Variants in PTPRD observed in about 807,000 individuals in gnomAD.
The protein encoded by PTPRD is protein tyrosine phosphatase receptor type D, also known as receptor-type tyrosine-protein phosphatase delta.
In PTPRD, 34 loss-of-function variants were observed where a neutral mutation model predicts 214.5. The ratio of observed to expected loss-of-function variants is 0.16; its 90% CI spans 0.12 to 0.21. The LOEUF is 0.21. Among genes scored for constraint, PTPRD ranks in the 10% least tolerant of loss-of-function variants. The pLI is 1.00. For synonymous variants in PTPRD, 1,128 were observed against 845.7 expected, an observed-to-expected ratio of 1.33 and a Z score of -5.79; for missense variants, 2,545 against 2,398.7, an observed-to-expected ratio of 1.06 and a Z score of -1.27.
chr9:8,723,293 A>C (rs1289217188), intron 12 of PTPRD, among the ~76,000 whole-genome samples: 3 of 152,126 alleles, frequency 2.0e-5, no homozygotes, highest in African/African-American at 7.2e-5. Flanking sequence ...CAAGTGTTGT[A>C]TCTCACTCAG....
At chr9:10,130,849 T>C (rs2098865732) in intron 3 of PTPRD, among the ~76,000 whole-genome samples, 1 of 152,076 alleles carries the variant, frequency 6.6e-6, no homozygotes, top group South Asian at 2.1e-4. Context: ...GAAATGGAAA[T>C]TGAAGTGACC....
intron 9 of PTPRD, among the ~76,000 whole-genome samples, chr9:9,237,312 C>A (rs1261370163): frequency 6.6e-6 from 1 of 152,056 alleles, no homozygotes; most frequent in East Asian, 1.9e-4. Flanking sequence ...CACTTGTAAT[C>A]CCAGTACTTT....
intron 3 of PTPRD, among the ~76,000 whole-genome samples, chr9:10,137,563 A>G (rs868252135): frequency 3.7e-5 from 3 of 81,144 alleles, no homozygotes; most frequent in Non-Finnish European, 6.8e-5. Flanking sequence ...GCGTCGGGGG[A>G]GGGGGGAGGG....
chr9:10,089,811 C>G (rs925830800), intron 3 of PTPRD, among the ~76,000 whole-genome samples: 3 of 151,592 alleles, frequency 2.0e-5, no homozygotes, highest in African/African-American at 7.3e-5. Context: ...GGCATCGGGG[C>G]AACCAGAAAA....
At chr9:9,112,113 T>A (rs552119490) in intron 10 of PTPRD, among the ~76,000 whole-genome samples, 1 of 152,264 alleles carries the variant, frequency 6.6e-6, no homozygotes, top group South Asian at 2.1e-4. Context: ...CTTTCCTGTC[T>A]ACAAAGCCAT....
At chr9:10,040,773 T>G (rs1184549657) in intron 3 of PTPRD, among the ~76,000 whole-genome samples, 1 of 152,086 alleles carries the variant, frequency 6.6e-6, no homozygotes, top group African/African-American at 2.4e-5. Flanking sequence ...AAAATTAAAT[T>G]GAGCACTGAT....
At chr9:9,002,832 C>T (rs2099429290) in intron 11 of PTPRD, among the ~76,000 whole-genome samples, 1 of 152,072 alleles carries the variant, frequency 6.6e-6, no homozygotes, top group Non-Finnish European at 1.5e-5. Flanking sequence ...TTGCACCCAT[C>T]AAGTAAGGGT....
chr9:8,537,217 C>T (rs1416061734), intron 14 of PTPRD, among the ~76,000 whole-genome samples: 1 of 151,892 alleles, frequency 6.6e-6, no homozygotes, highest in Non-Finnish European at 1.5e-5. Flanking sequence ...TCACCGTTTT[C>T]TAGCAAAGTT....
At chr9:10,190,615 G>C (rs1304609804) in intron 3 of PTPRD, among the ~76,000 whole-genome samples, 1 of 149,938 alleles carries the variant, frequency 6.7e-6, no homozygotes, top group Non-Finnish European at 1.5e-5. Flanking sequence ...CTGCTCGGGA[G>C]GCTGAGGCAG....
chr9:9,539,073 T>C (rs2077064704), intron 8 of PTPRD, among the ~76,000 whole-genome samples: 1 of 151,870 alleles, frequency 6.6e-6, no homozygotes, highest in Non-Finnish European at 1.5e-5. Flanking sequence ...CAAGATAATT[T>C]CACATAAGTA....
intron 9 of PTPRD, among the ~76,000 whole-genome samples, chr9:9,352,148 A>AT (rs2051466196): frequency 6.6e-6 from 1 of 151,630 alleles, no homozygotes; most frequent in African/African-American, 2.4e-5. Flanking sequence ...TCCCCCACAT[A>AT]TCTTTGGAAC....
intron 10 of PTPRD, among the ~76,000 whole-genome samples, chr9:9,167,686 C>G (rs188254685): frequency 1.3e-5 from 2 of 152,020 alleles, no homozygotes; most frequent in East Asian, 3.9e-4. Flanking sequence ...TCCAAGGAGG[C>G]AGAGGTTGTG....
intron 11 of PTPRD, among the ~76,000 whole-genome samples, chr9:8,997,955 C>A (rs1170441531): frequency 6.6e-6 from 1 of 152,032 alleles, no homozygotes; most frequent in Non-Finnish European, 1.5e-5. Context: ...CAGACCACAG[C>A]CCTAACTCTC....
At chr9:9,314,006 G>T (rs1359423915) in intron 9 of PTPRD, among the ~76,000 whole-genome samples, 1 of 152,034 alleles carries the variant, frequency 6.6e-6, no homozygotes, top group Non-Finnish European at 1.5e-5. Context: ...CTAGTTAAAT[G>T]AGCAAAGAAG....
At chr9:10,107,761 G>A (rs2098649076) in intron 3 of PTPRD, among the ~76,000 whole-genome samples, 1 of 151,978 alleles carries the variant, frequency 6.6e-6, no homozygotes, top group Non-Finnish European at 1.5e-5. Context: ...TTAGGGACTG[G>A]GAAAAGATAG....
chr9:9,339,715 T>C (rs61623919), intron 9 of PTPRD, among the ~76,000 whole-genome samples: 1,647 of 152,290 alleles, frequency 0.011, 24 homozygotes, highest in African/African-American at 0.037. Flanking sequence ...ACGTAAGTAA[T>C]TGTACAGTTG....
chr9:10,333,400 C>G (rs78659005), intron 3 of PTPRD, among the ~76,000 whole-genome samples: 6,930 of 151,776 alleles, frequency 0.046, 503 homozygotes, highest in African/African-American at 0.16. Flanking sequence ...TATTTTCTTC[C>G]TTTGGCAGCT....
chr9:9,102,303 T>G (rs998972889), intron 10 of PTPRD, among the ~76,000 whole-genome samples: 3 of 152,208 alleles, frequency 2.0e-5, no homozygotes, highest in African/African-American at 7.2e-5. Flanking sequence ...ATGTGTCTAT[T>G]CTCTTTTGAA....
At chr9:10,084,512 A>G (rs1473643989) in intron 3 of PTPRD, among the ~76,000 whole-genome samples, 3 of 151,848 alleles carry the variant, frequency 2.0e-5, no homozygotes, top group Non-Finnish European at 4.4e-5. Context: ...ATTGTAACCC[A>G]CTCACACATT....
Sources: gnomAD v4.1 joint callset for allele counts (sites outside exome capture counted in the v4.1 genomes callset) on GRCh38, gnomAD v4.1.1 for gene constraint, MANE v1.5 for transcripts, NCBI Gene and HGNC (gene_info 2026-07-23, HGNC 2026-07-21) for gene names.